RP1: variants seen among roughly 807,000 people sequenced by gnomAD.
RP1 encodes oxygen-regulated protein 1.
A neutral mutation model predicts 14.8 loss-of-function variants in RP1; 16 were observed. The observed-to-expected ratio is 1.08, with a 90% CI of 0.73 to 1.65. The LOEUF (loss-of-function observed/expected upper bound fraction) is 1.65. RP1 is among the 40% of genes most tolerant of loss of function. RP1 has a pLI of 0.00. For synonymous variants in RP1, 876 were observed against 883.6 expected, an observed-to-expected ratio of 0.99 and a Z score of 0.15; for missense variants, 2,631 against 2,535.0, an observed-to-expected ratio of 1.04 and a Z score of -0.81.
intron 16 of RP1, among the ~76,000 whole-genome samples, chr8:54,720,737 T>A (rs888273590): frequency 6.6e-6 from 1 of 152,314 alleles, no homozygotes; most frequent in South Asian, 2.1e-4. Flanking sequence ...GGATTAAAAA[T>A]AGGATTTGGA....
chr8:54,786,341 A>G (rs1644266292), intron 24 of RP1, among the ~76,000 whole-genome samples: 1 of 152,104 alleles, frequency 6.6e-6, no homozygotes, highest in Admixed American at 6.6e-5. Context: ...AGTTAACCTT[A>G]TTAAAGATCC....
At position 54,580,822 on chromosome 8, in the gene RP1, T is replaced by C. The variant is rs186606972; in HGVS notation, c.-13+21502T>C. 6.4e-3 allele frequency among the ~76,000 whole-genome samples: 980 copies of C among 152,010 alleles called. 4 individuals are homozygous for C. The highest frequency in any genetic ancestry group is 0.022 in the African/African-American group (925 of 41,450). ...TTAGTAGAGACGGGGTTTCTCCATA[T>C]TGGCCAGGCTGGTCTCGAACTCATG... On this transcript the variant is annotated intron_variant, in intron 1 of 22. Coordinates refer to the RP1 transcript ENST00000636932.
chr8:54,852,520 T>C (rs963807382), intron 25 of RP1: 3 of 1,155,834 alleles, frequency 2.6e-6, no homozygotes, highest in Non-Finnish European at 3.3e-6. Context: ...TCTAACTACA[T>C]TCAAAGAGAT....
chr8:54,822,845 A>G (rs991619171), intron 24 of RP1, among the ~76,000 whole-genome samples: 6 of 152,224 alleles, frequency 3.9e-5, no homozygotes, highest in South Asian at 2.1e-4. Flanking sequence ...TACACATGCA[A>G]TCTCTCATCT....
At chr8:54,732,480 A>G (rs1355622282) in intron 17 of RP1, among the ~76,000 whole-genome samples, 1 of 152,166 alleles carries the variant, frequency 6.6e-6, no homozygotes, top group Admixed American at 6.5e-5. Flanking sequence ...TATGAGAGCA[A>G]TGAGCCCAAC....
At chr8:54,585,206 T>C (rs1408074817) in intron 1 of RP1, among the ~76,000 whole-genome samples, 1 of 152,232 alleles carries the variant, frequency 6.6e-6, no homozygotes, top group Non-Finnish European at 1.5e-5. Context: ...TGAGAAAATC[T>C]CTCAGCATTT....
intron 24 of RP1, among the ~76,000 whole-genome samples, chr8:54,821,815 T>C (rs908302150): frequency 2.6e-5 from 4 of 152,184 alleles, no homozygotes; most frequent in Non-Finnish European, 5.9e-5. Context: ...CCTCTGATAA[T>C]GCACACCACT....
rs570498915 is a variant in RP1, at chr8:54,868,126, A to G, written c.4152-1717A>G. Among the ~76,000 whole-genome samples, 8 of 152,334 alleles carry G rather than the reference A, an allele frequency of 5.3e-5. No individual in the cohort carries two copies. The East Asian group carries it at 1.5e-3, about 29-fold the overall frequency. Reference sequence around the variant, plus strand: ...CATTTAGCAAAGTCAAAAGGCATCCAGGGCAGGTGATAATGGTCACATTCT... The same window carrying G: ...CATTTAGCAAAGTCAAAAGGCATCCGGGGCAGGTGATAATGGTCACATTCT... On this transcript the variant is annotated intron_variant, in intron 28 of 28. Transcript: ENST00000637698.
At chr8:54,679,151 T>A (rs1346616957) in intron 9 of RP1, among the ~76,000 whole-genome samples, 1 of 152,188 alleles carries the variant, frequency 6.6e-6, no homozygotes, top group Admixed American at 6.5e-5. Context: ...CTTTGACAGT[T>A]AGCAGGCTGA....
chr8:54,678,377 A>C, intron 8 of RP1: 1 of 1,134,862 alleles, frequency 8.8e-7, no homozygotes. Flanking sequence ...TATATTTGGA[A>C]GTTAGAACTT....
At chr8:54,819,701 CA>C (rs775409757) in intron 24 of RP1, among the ~76,000 whole-genome samples, 3 of 152,100 alleles carry the variant, frequency 2.0e-5, no homozygotes, top group Admixed American at 6.5e-5. Flanking sequence ...ACCATAAGCC[CA>C]GCAATGCTGC....
chr8:54,562,556 C>G (rs1804309726), intron 1 of RP1, among the ~76,000 whole-genome samples: 1 of 151,956 alleles, frequency 6.6e-6, no homozygotes, highest in Non-Finnish European at 1.5e-5. Context: ...CACCTGTAAT[C>G]CCAGCTACTC....
rs769865407 is a variant in RP1, at chr8:54,625,166, T to C, written c.1284T>C (p.Ala428=). 14 of 1,614,088 alleles carry C rather than the reference T, an allele frequency of 8.7e-6. No individual in the cohort carries two copies. In the African/African-American group the frequency reaches 1.6e-4, roughly 18 times the overall value. ...GCAGTTCTGCTAGTTGGGAGAATGC[T>C]ACTGTGGACACAGATATCATCCAGG... ...ETCSSASWEN[A]TVDTDIIQGT... is the part of the protein sequence containing the mutation. Residue 428 remains alanine, a synonymous_variant, in exon 4 of 4, where the codon GCT becomes GCC. Transcript: ENST00000220676.
At chr8:54,560,780 A>T (rs1416219923) in intron 1 of RP1, 1 of 151,720 alleles carries the variant, frequency 6.6e-6, no homozygotes, top group Non-Finnish European at 1.5e-5. Flanking sequence ...AACAGATCTT[A>T]TTTGCTCTAG....
intron 18 of RP1, among the ~76,000 whole-genome samples, chr8:54,735,591 A>G (rs1011887576): frequency 6.6e-6 from 1 of 152,190 alleles, no homozygotes; most frequent in Non-Finnish European, 1.5e-5. Flanking sequence ...ACTAATACTC[A>G]AATGGTTTCT....
At chr8:54,810,324 A>T (rs956310480) in intron 24 of RP1, among the ~76,000 whole-genome samples, 1 of 152,240 alleles carries the variant, frequency 6.6e-6, no homozygotes, top group Non-Finnish European at 1.5e-5. Context: ...CTGAACATTC[A>T]TAATACTTAA....
chr8:54,587,670 T>C (rs1476584368), intron 1 of RP1, among the ~76,000 whole-genome samples: 1 of 152,156 alleles, frequency 6.6e-6, no homozygotes, highest in Non-Finnish European at 1.5e-5. Context: ...AGAATACTTT[T>C]ACAAATAAAA....
chr8:54,797,817 G>A (rs1380809600), intron 24 of RP1, among the ~76,000 whole-genome samples: 1 of 147,874 alleles, frequency 6.8e-6, no homozygotes, highest in Non-Finnish European at 1.5e-5. Flanking sequence ...ATTTTTATTA[G>A]GTTCCTATAT....
chr8:54,758,505 G>A (rs1025942287), intron 21 of RP1, among the ~76,000 whole-genome samples: 1 of 151,894 alleles, frequency 6.6e-6, no homozygotes, highest in African/African-American at 2.4e-5. Flanking sequence ...AGGAAGGAAA[G>A]AAAATTTGTC....
Sources: allele counts gnomAD v4.1 joint callset (sites outside exome capture counted in the v4.1 genomes callset), GRCh38; gene constraint gnomAD v4.1.1; transcripts MANE v1.5; gene names NCBI Gene and HGNC (gene_info 2026-07-23, HGNC 2026-07-21).